CNTLN: variants seen among roughly 807,000 people sequenced by gnomAD.
CNTLN encodes the protein centlein, centrosomal protein.
Under a neutral mutation model 180.0 loss-of-function variants are expected in CNTLN, and 212 were observed. The ratio of observed to expected loss-of-function variants is 1.18; its 90% CI spans 1.05 to 1.32. The LOEUF (loss-of-function observed/expected upper bound fraction) is 1.32, where lower values mean the gene tolerates loss of function less well. Ranked by LOEUF, CNTLN falls within the 40% of genes most tolerant of loss-of-function variation. CNTLN has a pLI of 0.00. For missense variants in CNTLN, 2,095 were observed against 1,610.9 expected, an observed-to-expected ratio of 1.30 and a Z score of -5.14; for synonymous variants, 722 against 563.1, an observed-to-expected ratio of 1.28 and a Z score of -3.99.
the CNTLN span, among the ~76,000 whole-genome samples, chr9:17,517,149 T>C: frequency 1.3e-5 from 2 of 151,976 alleles, no homozygotes; most frequent in Non-Finnish European, 2.9e-5. Flanking sequence ...CCCAGCACTT[T>C]GGGAGGCCGA....
chr9:17,309,074 A>G lies in CNTLN; in HGVS notation c.1163A>G (p.His388Arg), dbSNP rs1328503858. The change falls in exon 8 of 26, where the codon CAT (histidine) becomes CGT (arginine). Residue 388 changes from histidine to arginine, a missense_variant. Transcript: ENST00000380647. The stretch of plus-strand genomic sequence containing the variant: ...TTGAAACAGCTTTACAATGAGTTAC[A>G]TATTTGTTTTGAAACCACAAAATCA... ...ISYQKLYNEL[H>R]ICFETTKSNE... The G allele has an allele frequency of 6.3e-7, 1 of 1,587,352 alleles. No homozygotes were observed.
At chr9:17,210,097 G>T (rs918611538) in intron 2 of CNTLN, among the ~76,000 whole-genome samples, 5 of 152,026 alleles carry the variant, frequency 3.3e-5, no homozygotes, top group African/African-American at 1.2e-4. Flanking sequence ...AAGTTCTGGG[G>T]TACATGTGCA....
At chr9:17,267,497 G>C (rs965182771) in intron 5 of CNTLN, among the ~76,000 whole-genome samples, 8 of 152,032 alleles carry the variant, frequency 5.3e-5, no homozygotes, top group African/African-American at 1.7e-4. Context: ...CAACTTTGGT[G>C]AATCTGACAA....
At chr9:17,258,827 A>T (rs1291500729) in intron 5 of CNTLN, among the ~76,000 whole-genome samples, 1 of 144,320 alleles carries the variant, frequency 6.9e-6, no homozygotes, top group East Asian at 2.0e-4. Flanking sequence ...TTGATTTTGT[A>T]TCCTGAGACT....
At chr9:17,505,853 C>A (rs1409278000), downstream of CNTLN, among the ~76,000 whole-genome samples, 1 of 152,072 alleles carries the variant, frequency 6.6e-6, no homozygotes, top group Non-Finnish European at 1.5e-5. Flanking sequence ...TGGGAGACAT[C>A]ACTTTACCCA....
chr9:17,277,509 G>A (rs2132548636), intron 6 of CNTLN, among the ~76,000 whole-genome samples: 1 of 152,076 alleles, frequency 6.6e-6, no homozygotes, highest in Middle Eastern at 3.4e-3. Flanking sequence ...TTACAAAATA[G>A]GGTCTAGCAC....
At chr9:17,221,449 G>A (rs1221746110) in intron 2 of CNTLN, among the ~76,000 whole-genome samples, 2 of 152,048 alleles carry the variant, frequency 1.3e-5, no homozygotes, top group Non-Finnish European at 2.9e-5. Flanking sequence ...TTGCAATTAT[G>A]TATTAAATGT....
intron 2 of CNTLN, among the ~76,000 whole-genome samples, chr9:17,216,255 T>C (rs1282651969): frequency 6.6e-6 from 1 of 152,352 alleles, no homozygotes; most frequent in East Asian, 1.9e-4. Context: ...GTCAGGTAAC[T>C]GGATTTGTAA....
intron 5 of CNTLN, among the ~76,000 whole-genome samples, chr9:17,260,841 C>T (rs555621312): frequency 6.6e-6 from 1 of 151,070 alleles, no homozygotes; most frequent in Non-Finnish European, 1.5e-5. Context: ...AGTCTTTAAT[C>T]CATCTTGAGT....
At chr9:17,318,448 C>CA (rs1254348439) in intron 8 of CNTLN, among the ~76,000 whole-genome samples, 1 of 152,124 alleles carries the variant, frequency 6.6e-6, no homozygotes, top group African/African-American at 2.4e-5. Flanking sequence ...AGGCAGAACT[C>CA]AGTGGGTACT....
intron 2 of CNTLN, among the ~76,000 whole-genome samples, chr9:17,214,664 C>G (rs559480545): frequency 1.3e-5 from 2 of 152,154 alleles, no homozygotes; most frequent in Middle Eastern, 3.2e-3. Flanking sequence ...CATCTTGGTT[C>G]CATTGTCCCC....
intron 23 of CNTLN, among the ~76,000 whole-genome samples, chr9:17,474,165 C>A (rs1215672874): frequency 6.6e-6 from 1 of 152,160 alleles, no homozygotes; most frequent in Non-Finnish European, 1.5e-5. Context: ...TATATCTGTT[C>A]TCATCCTGTC....
the CNTLN span, among the ~76,000 whole-genome samples, chr9:17,523,674 T>A: frequency 6.6e-6 from 1 of 152,248 alleles, no homozygotes; most frequent in African/African-American, 2.4e-5. Context: ...ACGGTAGAAC[T>A]GAATGAACTT....
At chr9:17,156,046 C>G in intron 2 of CNTLN, among the ~76,000 whole-genome samples, 1 of 152,204 alleles carries the variant, frequency 6.6e-6, no homozygotes, top group East Asian at 1.9e-4. Context: ...TCGGCTAGCC[C>G]TCTGTGGGCT....
intron 15 of CNTLN, among the ~76,000 whole-genome samples, chr9:17,405,572 C>T (rs1281372293): frequency 6.6e-6 from 1 of 151,568 alleles, no homozygotes; most frequent in African/African-American, 2.4e-5. Flanking sequence ...CATGAGGACT[C>T]ATGATCTAAT....
intron 2 of CNTLN, among the ~76,000 whole-genome samples, chr9:17,188,323 G>A (rs1017352439): frequency 6.6e-6 from 1 of 152,046 alleles, no homozygotes; most frequent in African/African-American, 2.4e-5. Context: ...GTTCTACCAT[G>A]AGGGTATATA....
intron 7 of CNTLN, among the ~76,000 whole-genome samples, chr9:17,305,745 A>C (rs1316930302): frequency 6.6e-6 from 1 of 152,182 alleles, no homozygotes; most frequent in Non-Finnish European, 1.5e-5. Context: ...ACTGAGGCCT[A>C]GAGTTAAAAA....
chr9:17,499,364 C>A (rs1011191661), intron 25 of CNTLN, among the ~76,000 whole-genome samples: 1 of 152,106 alleles, frequency 6.6e-6, no homozygotes, highest in Non-Finnish European at 1.5e-5. Context: ...ACCAAAATAG[C>A]CAGTTAACTT....
At chr9:17,202,565 A>C (rs1028900730) in intron 2 of CNTLN, among the ~76,000 whole-genome samples, 1 of 149,974 alleles carries the variant, frequency 6.7e-6, no homozygotes, top group Non-Finnish European at 1.5e-5. Context: ...TCCCTTTGCC[A>C]TTATGTAATG....
Sources: gnomAD v4.1 joint callset for allele counts (sites outside exome capture counted in the v4.1 genomes callset) on GRCh38, gnomAD v4.1.1 for gene constraint, MANE v1.5 for transcripts, NCBI Gene and HGNC (gene_info 2026-07-23, HGNC 2026-07-21) for gene names.